Variants in ULK4 observed in about 807,000 individuals in gnomAD.
ULK4 encodes unc-51 like kinase 4.
In ULK4, 133 loss-of-function variants were observed where a neutral mutation model predicts 160.6. The observed-to-expected ratio is 0.83, with a 90% CI of 0.72 to 0.96. The LOEUF (loss-of-function observed/expected upper bound fraction) is 0.96. Among genes scored for constraint, ULK4 ranks in the 40% least tolerant of loss-of-function variants. The pLI is 0.00. For synonymous variants in ULK4, 534 were observed against 539.8 expected (o/e 0.99, Z 0.15); for missense variants, 1,580 against 1,499.5 (o/e 1.05, Z -0.89).
chr3:41,635,714 A>T (rs80027633), intron 30 of ULK4, among the ~76,000 whole-genome samples: 2 of 152,194 alleles, frequency 1.3e-5, no homozygotes, highest in Admixed American at 1.3e-4. Flanking sequence ...TTTACAGAGG[A>T]AGACACTGAG....
At chr3:41,911,005 A>T (rs1698764506) in intron 11 of ULK4, among the ~76,000 whole-genome samples, 1 of 152,262 alleles carries the variant, frequency 6.6e-6, no homozygotes, top group Non-Finnish European at 1.5e-5. Flanking sequence ...TGAAATTTTA[A>T]GTTCAATTCT....
chr3:41,667,174 A>T (rs2035374730), intron 29 of ULK4, among the ~76,000 whole-genome samples: 1 of 151,646 alleles, frequency 6.6e-6, no homozygotes, highest in South Asian at 2.1e-4. Flanking sequence ...AAAGAAAAAC[A>T]CACACACAAA....
chr3:41,764,669 G>C (rs540559834), intron 21 of ULK4, among the ~76,000 whole-genome samples: 1 of 152,316 alleles, frequency 6.6e-6, no homozygotes, highest in East Asian at 1.9e-4. Context: ...TGGAGTGGCA[G>C]TATAACATGC....
intron 32 of ULK4, among the ~76,000 whole-genome samples, chr3:41,469,566 T>C (rs1384560909): frequency 4.5e-5 from 2 of 44,912 alleles, no homozygotes; most frequent in African/African-American, 1.8e-4. Context: ...CCATCTACAA[T>C]AAAAGCTAAA....
At chr3:41,702,560 A>T (rs1297491696) in intron 27 of ULK4, among the ~76,000 whole-genome samples, 1 of 152,200 alleles carries the variant, frequency 6.6e-6, no homozygotes, top group Non-Finnish European at 1.5e-5. Flanking sequence ...ATATTAATCA[A>T]AACAAAGTTT....
chr3:41,612,668 G>A (rs1358029708), intron 31 of ULK4, among the ~76,000 whole-genome samples: 1 of 152,156 alleles, frequency 6.6e-6, no homozygotes, highest in Non-Finnish European at 1.5e-5. Context: ...CTCCAGAAAT[G>A]TCTGTTCTTC....
At chr3:41,953,283 C>CAA (rs1700355492) in intron 2 of ULK4, among the ~76,000 whole-genome samples, 1 of 15,436 alleles carries the variant, frequency 6.5e-5, no homozygotes, top group East Asian at 0.024. Flanking sequence ...TACATATATA[C>CAA]ACATATATAT....
intron 17 of ULK4, among the ~76,000 whole-genome samples, chr3:41,841,621 G>A (rs190250754): frequency 2.4e-3 from 364 of 152,354 alleles, no homozygotes; most frequent in African/African-American, 7.8e-3. Flanking sequence ...CATCTGGGAA[G>A]TGTACCCAAC....
intron 34 of ULK4, among the ~76,000 whole-genome samples, chr3:41,415,546 C>G (rs1189316550): frequency 2.0e-5 from 3 of 152,200 alleles, no homozygotes; most frequent in Non-Finnish European, 4.4e-5. Context: ...GTATTTGCAT[C>G]TGCAATCTCC....
At chr3:41,931,533 T>A in intron 5 of ULK4, among the ~76,000 whole-genome samples, 1 of 151,238 alleles carries the variant, frequency 6.6e-6, no homozygotes, top group Non-Finnish European at 1.5e-5. Context: ...ACTCAACTAA[T>A]TTCTATTGAG....
At chr3:41,462,967 G>C (rs1026144118) in intron 33 of ULK4, 120 bp downstream of exon 33, 1 of 1,234,620 alleles carries the variant, frequency 8.1e-7, no homozygotes. Flanking sequence ...ACTCTCTATA[G>C]AATTATACAT....
chr3:41,467,401 A>C (rs2083861932), intron 32 of ULK4, among the ~76,000 whole-genome samples: 1 of 152,040 alleles, frequency 6.6e-6, no homozygotes, highest in Admixed American at 6.5e-5. Context: ...GGTGGCACAC[A>C]CTATAATCCC....
At chr3:41,650,696 T>C (rs1187013207) in intron 30 of ULK4, among the ~76,000 whole-genome samples, 17 of 152,180 alleles carry the variant, frequency 1.1e-4, no homozygotes, top group Non-Finnish European at 2.4e-4. Flanking sequence ...CTGAGCCGAG[T>C]GGGCAGAACG....
intron 18 of ULK4, among the ~76,000 whole-genome samples, chr3:41,821,874 T>C (rs1250091352): frequency 6.6e-6 from 1 of 152,094 alleles, no homozygotes; most frequent in Non-Finnish European, 1.5e-5. Flanking sequence ...GAGTTACCAG[T>C]GACTTTCATG....
At chr3:41,507,178 C>A (rs1473506558) in intron 32 of ULK4, among the ~76,000 whole-genome samples, 26 of 82,088 alleles carry the variant, frequency 3.2e-4, no homozygotes, top group South Asian at 1.7e-3. Flanking sequence ...TAACCAGGAG[C>A]AAAAAAAAAA....
At chr3:41,462,894 G>A (rs556053628) in intron 33 of ULK4, among the ~76,000 whole-genome samples, 193 bp downstream of exon 33, 1 of 152,272 alleles carries the variant, frequency 6.6e-6, no homozygotes, top group South Asian at 2.1e-4. Context: ...TTCCTTCCCT[G>A]AAGATTTTGA....
intron 4 of ULK4, 69 bp from the exon 5 acceptor site, chr3:41,932,075 A>G (rs1008341778): frequency 2.2e-6 from 3 of 1,364,268 alleles, no homozygotes; most frequent in Non-Finnish European, 2.9e-6. Context: ...AGTACCTCTT[A>G]TAATTGTACT....
At chr3:41,417,792 A>C (rs1203878196) in intron 34 of ULK4, among the ~76,000 whole-genome samples, 1 of 152,140 alleles carries the variant, frequency 6.6e-6, no homozygotes, top group African/African-American at 2.4e-5. Context: ...GTCAAGGCAA[A>C]AGGGAGGCTG....
At chr3:41,383,905 C>T (rs1198453182) in intron 35 of ULK4, among the ~76,000 whole-genome samples, 2 of 152,198 alleles carry the variant, frequency 1.3e-5, no homozygotes, top group East Asian at 1.9e-4. Context: ...GTCCTTTCCA[C>T]ATTTTAAATA....
Sources: allele counts gnomAD v4.1 joint callset (sites outside exome capture counted in the v4.1 genomes callset), GRCh38; gene constraint gnomAD v4.1.1; transcripts MANE v1.5; gene names NCBI Gene and HGNC (gene_info 2026-07-23, HGNC 2026-07-21).